The following KMT2E variants were observed in gnomAD, a reference collection of about 807,000 sequenced individuals.
The protein encoded by KMT2E is histone reader KMT2E.
Under a neutral mutation model 184.6 loss-of-function variants are expected in KMT2E, and 30 were observed. The ratio of observed to expected loss-of-function variants is 0.16; its 90% CI spans 0.12 to 0.22. The LOEUF is 0.22. Ranked by LOEUF, KMT2E falls within the 10% of genes least tolerant of loss-of-function variation. The pLI is 1.00. For missense variants in KMT2E, 2,023 were observed against 2,237.4 expected (o/e 0.90, Z 1.93); for synonymous variants, 815 against 776.5 (o/e 1.05, Z -0.82).
intron 2 of KMT2E, among the ~76,000 whole-genome samples, chr7:105,039,883 A>C (rs1795807543): frequency 6.6e-6 from 1 of 152,152 alleles, no homozygotes; most frequent in Non-Finnish European, 1.5e-5. Context: ...ATTTTTGAAA[A>C]GACTTTGAGT....
intron 1 of KMT2E, among the ~76,000 whole-genome samples, chr7:105,026,674 T>C (rs564010707): frequency 7.2e-5 from 11 of 152,344 alleles, no homozygotes; most frequent in African/African-American, 2.6e-4. Context: ...AACCATTTGA[T>C]CTTTGAATTG....
chr7:105,083,184 G>A (rs989121744), intron 13 of KMT2E, among the ~76,000 whole-genome samples: 1 of 152,192 alleles, frequency 6.6e-6, no homozygotes, highest in Non-Finnish European at 1.5e-5. Flanking sequence ...GGCTTTCACA[G>A]CTTTTTCTAT....
chr7:105,033,671 T>A (rs2129564744), intron 1 of KMT2E, among the ~76,000 whole-genome samples: 1 of 152,178 alleles, frequency 6.6e-6, no homozygotes, highest in African/African-American at 2.4e-5. Flanking sequence ...GCTAATTTTT[T>A]TGTATTTTTA....
chr7:105,042,073 C>T (rs562971787), intron 3 of KMT2E, among the ~76,000 whole-genome samples: 1 of 152,320 alleles, frequency 6.6e-6, no homozygotes, highest in South Asian at 2.1e-4. Flanking sequence ...TCTCAGCTCA[C>T]TGCAACCTCC....
At chr7:105,045,864 C>T (rs1014348110) in intron 3 of KMT2E, among the ~76,000 whole-genome samples, 9 of 152,120 alleles carry the variant, frequency 5.9e-5, no homozygotes, top group African/African-American at 1.9e-4. Context: ...TTTGAGGAAT[C>T]GTCGATCTCT....
chr7:105,022,700 T>C (rs1225071951), intron 1 of KMT2E, among the ~76,000 whole-genome samples: 4 of 152,184 alleles, frequency 2.6e-5, no homozygotes, highest in African/African-American at 9.6e-5. Context: ...ACTGTGTTGG[T>C]TGTAAATACA....
chr7:105,086,612 C>T (rs1297858014), intron 13 of KMT2E, among the ~76,000 whole-genome samples: 1 of 151,732 alleles, frequency 6.6e-6, no homozygotes, highest in African/African-American at 2.4e-5. Context: ...GTAATCCCAG[C>T]TACTCAGGAG....
At chr7:105,110,626 T>C in intron 25 of KMT2E, 24 bp downstream of exon 25, 1 of 1,613,686 alleles carries the variant, frequency 6.2e-7, no homozygotes, top group Non-Finnish European at 8.5e-7. Flanking sequence ...TGACCGATAA[T>C]GTTATTCTTA....
At chr7:105,051,068 T>A in intron 3 of KMT2E, among the ~76,000 whole-genome samples, 1 of 150,454 alleles carries the variant, frequency 6.6e-6, no homozygotes, top group East Asian at 2.0e-4. Flanking sequence ...CTTTTCTTTC[T>A]TTCTTTCTTC....
In KMT2E at chr7:105,040,975, G is replaced by A; in HGVS notation, c.23G>A (p.Gly8Glu). 6.2e-7 allele frequency: 1 copy of A among 1,613,044 alleles called. No homozygotes were observed. The highest frequency in any genetic ancestry group is 8.5e-7 in the Non-Finnish European group (1 of 1,179,632). Residue 8 changes from glycine to glutamate, a missense_variant, in exon 3 of 27, where the codon GGG becomes GAG. Transcript: ENST00000311117. MSIVIPL[G>E]VDTAETSYLE... ...GTCATGAGCATAGTGATCCCATTGG[G>A]GGTTGATACAGCAGAGACGTCATAC...
intron 1 of KMT2E, among the ~76,000 whole-genome samples, chr7:105,019,315 C>T (rs1794847359): frequency 6.6e-6 from 1 of 152,000 alleles, no homozygotes; most frequent in Non-Finnish European, 1.5e-5. Context: ...GAAATCAGTT[C>T]TTTTTTTCCC....
Position 105,040,925 on chromosome 7 carries a change from GT to G in KMT2E, c.-27del. Reference sequence around the variant, plus strand: ...GGATACCAATGCATAGGACTCCATAGTAATCGAATTTACCAGAGGCGAACGT... The same window carrying G: ...GGATACCAATGCATAGGACTCCATAGAATCGAATTTACCAGAGGCGAACGT... On this transcript the variant is annotated 5_prime_UTR_variant, in exon 3 of 27. Coordinates refer to ENST00000311117, the MANE Select transcript of KMT2E (RefSeq NM_182931.3). 1 of 1,586,912 alleles carries G rather than the reference GT, an allele frequency of 6.3e-7. No homozygotes were observed. Among genetic ancestry groups the G allele is most frequent in the Non-Finnish European group, 8.6e-7 (1 of 1,158,560 alleles).
chr7:105,024,229 GA>G (rs1265619775), intron 1 of KMT2E, among the ~76,000 whole-genome samples: 2 of 152,138 alleles, frequency 1.3e-5, no homozygotes, highest in Non-Finnish European at 2.9e-5. Context: ...AAATACAGTG[GA>G]TACTTAGCAT....
chr7:105,107,749 G>C lies in KMT2E; in HGVS notation c.3292G>C (p.Gly1098Arg). The change falls in exon 22 of 27, where the codon GGC (glycine) becomes CGC (arginine). Residue 1098 changes from glycine (G) to arginine (R), a missense_variant. Coordinates refer to ENST00000311117, the MANE Select transcript of KMT2E (RefSeq NM_182931.3). ...TPSHQLEVGG[G>R]FRISESKCLM... Reference sequence around the variant, plus strand: ...CTCGCATCAGTTGGAGGTTGGAGGAGGCTTCCGAATAAGTGAGTCAAAGTG... The same window carrying C: ...CTCGCATCAGTTGGAGGTTGGAGGACGCTTCCGAATAAGTGAGTCAAAGTG... 1 of 1,614,140 alleles carries C rather than the reference G, an allele frequency of 6.2e-7. No individual in the cohort carries two copies. Among genetic ancestry groups the C allele is most frequent in the Non-Finnish European group, 8.5e-7 (1 of 1,180,026 alleles).
intron 5 of KMT2E, 100 bp from the exon 6 acceptor site, chr7:105,066,627 A>G: frequency 1.1e-6 from 1 of 902,806 alleles, no homozygotes; most frequent in Non-Finnish European, 1.7e-6. Flanking sequence ...TACTAAGCTC[A>G]AAGTAGGTGC....
intron 1 of KMT2E, among the ~76,000 whole-genome samples, chr7:105,015,364 A>G (rs990568088): frequency 6.6e-6 from 1 of 152,228 alleles, no homozygotes; most frequent in Admixed American, 6.5e-5. Flanking sequence ...TACTGGCCTT[A>G]GTTCCGTATA....
At position 105,112,158 on chromosome 7, in the gene KMT2E, A is replaced by C; in HGVS notation, c.4402A>C (p.Lys1468Gln). Residue 1468 changes from lysine to glutamine, a missense_variant, in exon 27 of 27, where the codon AAG becomes CAG. Around this residue, in one of 8 missense-constraint regions of KMT2E, gnomAD observed 1,108 missense variants for 1,050.9 expected, o/e 1.05. Transcript: ENST00000311117. Reference sequence around the variant, plus strand: ...TGTACAGCATGGTTATCTTTCACCAAAGCCTCCTTCACAGCAGTTAGGATC... The same window carrying C: ...TGTACAGCATGGTTATCTTTCACCACAGCCTCCTTCACAGCAGTTAGGATC... ...TPVQHGYLSP[K>Q]PPSQQLGSPY... The C allele has an allele frequency of 6.2e-7, 1 of 1,614,148 alleles. No individual in the cohort carries two copies. Among genetic ancestry groups the C allele is most frequent in the Middle Eastern group, 1.6e-4 (1 of 6,062 alleles).
chr7:105,077,227 A>G, intron 10 of KMT2E, 34 bp downstream of exon 10: 1 of 1,603,318 alleles, frequency 6.2e-7, no homozygotes, highest in Non-Finnish European at 8.5e-7. Flanking sequence ...ATTGTAAAGC[A>G]GTTTTATATT....
chr7:105,054,527 T>A (rs1796495538), intron 3 of KMT2E, among the ~76,000 whole-genome samples: 1 of 151,400 alleles, frequency 6.6e-6, no homozygotes, highest in Admixed American at 6.6e-5. Flanking sequence ...TGTCTGTCTG[T>A]CTATTTGAGA....
Sources: allele counts gnomAD v4.1 joint callset (sites outside exome capture counted in the v4.1 genomes callset), GRCh38; gene constraint gnomAD v4.1.1; regional missense constraint gnomAD v4.1.1; transcripts MANE v1.5; gene names NCBI Gene and HGNC (gene_info 2026-07-23, HGNC 2026-07-21).